Variants in SHB observed in about 807,000 individuals in gnomAD.
The protein encoded by SHB is SH2 domain containing adaptor protein B.
A neutral mutation model predicts 52.3 loss-of-function variants in SHB; 20 were observed. The observed-to-expected ratio is 0.38, with a 90% confidence interval of 0.27 to 0.56. SHB has a LOEUF of 0.56. SHB is among the 20% of genes least tolerant of loss of function. The pLI, the probability that SHB is intolerant of heterozygous loss-of-function variation, is 0.71. For synonymous variants in SHB, 397 were observed against 316.5 expected (o/e 1.25, Z -2.70); for missense variants, 825 against 723.3 (o/e 1.14, Z -1.61).
chr9:37,930,387 T>C (rs1199452872), intron 5 of SHB, among the ~76,000 whole-genome samples: 8 of 146,362 alleles, frequency 5.5e-5, no homozygotes, highest in Non-Finnish European at 4.5e-5. Flanking sequence ...TCTGCAGTAA[T>C]GGGGTGTGAC....
At chr9:37,971,379 G>C (rs1166665145) in intron 3 of SHB, among the ~76,000 whole-genome samples, 1 of 151,338 alleles carries the variant, frequency 6.6e-6, no homozygotes, top group Non-Finnish European at 1.5e-5. Flanking sequence ...CACCACTTGA[G>C]AGGTGGCCCA....
intron 3 of SHB, among the ~76,000 whole-genome samples, chr9:37,966,307 C>T (rs1160515862): frequency 6.6e-6 from 1 of 152,108 alleles, no homozygotes; most frequent in Non-Finnish European, 1.5e-5. Flanking sequence ...GTTTTTTTTC[C>T]ACTGAGGAGA....
intron 1 of SHB, among the ~76,000 whole-genome samples, chr9:38,049,576 C>A (rs970277511): frequency 4.7e-5 from 7 of 150,312 alleles, no homozygotes; most frequent in African/African-American, 1.7e-4. Context: ...CCACTGCACT[C>A]CAGCCTGGGC....
chr9:37,931,527 A>G (rs1363915607), intron 5 of SHB, among the ~76,000 whole-genome samples: 1 of 152,274 alleles, frequency 6.6e-6, no homozygotes, highest in Non-Finnish European at 1.5e-5. Flanking sequence ...ATGCAAGTCA[A>G]AACCACTATG....
chr9:38,067,389 C>G (rs960127197), intron 1 of SHB, among the ~76,000 whole-genome samples: 1 of 152,144 alleles, frequency 6.6e-6, no homozygotes, highest in Non-Finnish European at 1.5e-5. Context: ...GATTTGGAAA[C>G]CTAGAGCTGG....
chr9:38,013,739 TG>T (rs1278702785), intron 2 of SHB, among the ~76,000 whole-genome samples: 1 of 152,180 alleles, frequency 6.6e-6, no homozygotes, highest in Non-Finnish European at 1.5e-5. Flanking sequence ...TCCATGAGAC[TG>T]GGGCTCCCAG....
At chr9:38,031,460 C>A (rs145168792) in intron 1 of SHB, among the ~76,000 whole-genome samples, 1 of 152,106 alleles carries the variant, frequency 6.6e-6, no homozygotes, top group Non-Finnish European at 1.5e-5. Flanking sequence ...AACCCCTAAC[C>A]GTCCATTTTT....
chr9:38,032,725 T>C (rs1821430743), intron 1 of SHB, among the ~76,000 whole-genome samples: 1 of 152,214 alleles, frequency 6.6e-6, no homozygotes, highest in Non-Finnish European at 1.5e-5. Flanking sequence ...GGGATCCTAC[T>C]TCCCCACATA....
intron 1 of SHB, among the ~76,000 whole-genome samples, chr9:38,065,310 T>C (rs1821947445): frequency 6.6e-6 from 1 of 152,140 alleles, no homozygotes; most frequent in African/African-American, 2.4e-5. Context: ...CACACACAGA[T>C]GGCAGAAACA....
In SHB at chr9:37,917,692, C is replaced by A. The variant is rs369775188; in HGVS notation, c.*2129G>T. The stretch of plus-strand genomic sequence containing the variant: ...ATTTCCCACCTACCTTCCCACTCCC[C>A]CAAAGGAAAGCACGAATCGTTCCAG... On this transcript the variant is annotated 3_prime_UTR_variant, in exon 6 of 6. Coordinates refer to ENST00000377707, the MANE Select transcript of SHB (RefSeq NM_003028.3). Among the ~76,000 whole-genome samples, 15 of 152,372 alleles carry A rather than the reference C, an allele frequency of 9.8e-5. 1 individual carries two copies. In the East Asian group the frequency reaches 2.9e-3, roughly 29 times the overall value.
chr9:38,027,329 T>C (rs558962473), intron 1 of SHB, among the ~76,000 whole-genome samples: 2 of 152,294 alleles, frequency 1.3e-5, no homozygotes, highest in Admixed American at 6.5e-5. Context: ...AACATCTTCC[T>C]TCTGCGGTGC....
At chr9:37,933,234 T>G (rs1832333549) in intron 5 of SHB, among the ~76,000 whole-genome samples, 1 of 152,236 alleles carries the variant, frequency 6.6e-6, no homozygotes, top group Non-Finnish European at 1.5e-5. Context: ...CCTCAGTTTC[T>G]TCATCTGTGA....
chr9:37,969,684 G>C (rs1318687562), intron 3 of SHB, among the ~76,000 whole-genome samples: 1 of 152,172 alleles, frequency 6.6e-6, no homozygotes, highest in Non-Finnish European at 1.5e-5. Flanking sequence ...CCTGCCTGTG[G>C]GCCCCTCCCT....
intron 2 of SHB, among the ~76,000 whole-genome samples, chr9:38,010,892 T>C (rs1384128110): frequency 6.6e-6 from 1 of 152,238 alleles, no homozygotes; most frequent in African/African-American, 2.4e-5. Context: ...TAGGTGATCC[T>C]ACAGGGAATA....
intron 2 of SHB, among the ~76,000 whole-genome samples, chr9:37,977,301 G>A (rs776590940): frequency 2.6e-5 from 4 of 152,186 alleles, no homozygotes; most frequent in Admixed American, 6.5e-5. Context: ...CTGCTGAGAG[G>A]TGAGATTTGC....
At chr9:38,057,944 G>T (rs1047563713) in intron 1 of SHB, among the ~76,000 whole-genome samples, 1 of 152,186 alleles carries the variant, frequency 6.6e-6, no homozygotes, top group Admixed American at 6.5e-5. Context: ...TGTCTCCACC[G>T]CCCTGTGGTG....
At chr9:38,017,578 A>C (rs974058103) in intron 1 of SHB, among the ~76,000 whole-genome samples, 15 of 152,206 alleles carry the variant, frequency 9.9e-5, no homozygotes, top group African/African-American at 2.7e-4. Flanking sequence ...GAGGTTTAGC[A>C]CACAGCGGTC....
chr9:38,053,770 G>A (rs1821780509), intron 1 of SHB, among the ~76,000 whole-genome samples: 1 of 152,104 alleles, frequency 6.6e-6, no homozygotes, highest in African/African-American at 2.4e-5. Flanking sequence ...GCTGGACTGA[G>A]GCCCAAGACA....
chr9:38,022,126 A>G (rs1246693513), intron 1 of SHB, among the ~76,000 whole-genome samples: 1 of 152,122 alleles, frequency 6.6e-6, no homozygotes, highest in Non-Finnish European at 1.5e-5. Context: ...AATTTCCTTA[A>G]CAGTTTGGGG....
Sources: allele counts gnomAD v4.1 joint callset (sites outside exome capture counted in the v4.1 genomes callset), GRCh38; gene constraint gnomAD v4.1.1; transcripts MANE v1.5; gene names NCBI Gene and HGNC (gene_info 2026-07-23, HGNC 2026-07-21).